The following MID1 variants were observed in gnomAD, a reference collection of about 807,000 sequenced individuals.
The protein encoded by MID1 is E3 ubiquitin-protein ligase Midline-1.
In MID1, 7 loss-of-function variants were observed where a neutral mutation model predicts 40.4. That is an observed-to-expected ratio of 0.17 (90% confidence interval 0.10 to 0.33). MID1 has a LOEUF of 0.33. Among genes scored for constraint, MID1 ranks in the 10% least tolerant of loss-of-function variants. The probability of loss-of-function intolerance (pLI) is 1.00; values close to 1 mark genes in which losing one functional copy is unlikely to be tolerated. For synonymous variants in MID1, 229 were observed against 221.2 expected, an observed-to-expected ratio of 1.04 and a Z score of -0.31; for missense variants, 367 against 558.5, an observed-to-expected ratio of 0.66 and a Z score of 3.46.
At chrX:10,758,127 C>CT (rs752295936) in intron 1 of MID1, among the ~76,000 whole-genome samples, 6,354 of 93,168 alleles carry the variant, frequency 0.068, 433 homozygotes, top group African/African-American at 0.2. Flanking sequence ...GCATGCCCTG[C>CT]TTTTTTTTTT....
chrX:10,454,411 C>T (rs190928856), intron 9 of MID1, among the ~76,000 whole-genome samples: 35 of 111,867 alleles, frequency 3.1e-4, no homozygotes, highest in African/African-American at 8.5e-4. Context: ...TTTTTGGCTT[C>T]GTAGACCATA....
At chrX:10,613,696 AATATATATATATATAT>A (rs1177605401) in intron 1 of MID1, among the ~76,000 whole-genome samples, 11 of 16,849 alleles carry the variant, frequency 6.5e-4, no homozygotes, top group African/African-American at 3.3e-3. Flanking sequence ...AACTGAAAGG[AATATATATATATATAT>A]ATATATATAT....
intron 3 of MID1, among the ~76,000 whole-genome samples, chrX:10,521,129 G>A (rs12857229): frequency 1.2e-5 from 1 of 82,900 alleles, no homozygotes; most frequent in Non-Finnish European, 2.3e-5. Context: ...GGAGGGGGGC[G>A]GGCGGTGGGG....
chrX:10,588,728 T>A lies in MID1; in HGVS notation c.-56-21125A>T, dbSNP rs776808380. Among the ~76,000 whole-genome samples, 8 of 110,851 alleles carry A rather than the reference T, an allele frequency of 7.2e-5. No homozygotes were observed. In the East Asian group the frequency reaches 2.0e-3, roughly 28 times the overall value. Reference sequence around the variant, plus strand: ...CCTTGCCTCTGCCAGCCGCTTATGCTGCTGTTCTCTTAACTACTGTGGGGG... The same window carrying A: ...CCTTGCCTCTGCCAGCCGCTTATGCAGCTGTTCTCTTAACTACTGTGGGGG... On this transcript the variant is annotated intron_variant, in intron 1 of 9. Coordinates refer to ENST00000317552, the MANE Select transcript of MID1 (RefSeq NM_000381.4).
intron 1 of MID1, among the ~76,000 whole-genome samples, chrX:10,777,888 C>T (rs1180588181): frequency 1.8e-5 from 2 of 111,350 alleles, no homozygotes; most frequent in Non-Finnish European, 3.8e-5. Flanking sequence ...GGGTTAGGAA[C>T]GTCAATATCA....
intron 1 of MID1, among the ~76,000 whole-genome samples, chrX:10,805,809 C>T (rs1209653103): frequency 4.0e-5 from 4 of 99,600 alleles, no homozygotes; most frequent in African/African-American, 7.3e-5. Context: ...ATTTGCATTT[C>T]TCTGATGGCC....
At chrX:10,672,481 G>A (rs2042994166) in intron 1 of MID1, among the ~76,000 whole-genome samples, 1 of 110,842 alleles carries the variant, frequency 9.0e-6, no homozygotes, top group Non-Finnish European at 1.9e-5. Flanking sequence ...ATAGTGGAAA[G>A]AGGGAGGCAG....
intron 1 of MID1, among the ~76,000 whole-genome samples, chrX:10,820,028 C>G (rs1007301976): frequency 8.9e-6 from 1 of 111,917 alleles, no homozygotes; most frequent in African/African-American, 3.2e-5. Flanking sequence ...TTTCATGGCT[C>G]TCATGTTCTT....
intron 9 of MID1, 62 bp downstream of exon 9, chrX:10,454,804 ACTCT>A (rs1421869950): frequency 2.1e-5 from 20 of 942,935 alleles, no homozygotes; most frequent in Non-Finnish European, 2.9e-5. Flanking sequence ...GTATGGGTTG[ACTCT>A]CTAAGTACAG....
chrX:10,662,465 G>A (rs2147584361), intron 1 of MID1, among the ~76,000 whole-genome samples: 2 of 110,494 alleles, frequency 1.8e-5, no homozygotes, highest in African/African-American at 6.6e-5. Flanking sequence ...ACAAACCAAA[G>A]TTACATCTAA....
intron 4 of MID1, among the ~76,000 whole-genome samples, chrX:10,493,476 C>T (rs1931064990): frequency 3.6e-5 from 4 of 111,992 alleles, no homozygotes; most frequent in Non-Finnish European, 7.5e-5. Flanking sequence ...TTGTCTCAAG[C>T]CACCAAGTTT....
intron 1 of MID1, among the ~76,000 whole-genome samples, chrX:10,644,130 T>C (rs112933357): frequency 0.07 from 7,753 of 111,345 alleles, 487 homozygotes; most frequent in African/African-American, 0.21. Flanking sequence ...GTTGTGCACA[T>C]GTACCCTAGA....
chrX:10,682,499 T>C (rs2043067315), intron 1 of MID1, among the ~76,000 whole-genome samples: 1 of 111,510 alleles, frequency 9.0e-6, no homozygotes, highest in South Asian at 3.7e-4. Context: ...AAAAATTTTA[T>C]TTTTCATTTG....
intron 1 of MID1, among the ~76,000 whole-genome samples, chrX:10,831,393 A>G (rs1037885957): frequency 5.4e-5 from 6 of 111,678 alleles, no homozygotes; most frequent in Non-Finnish European, 7.5e-5. Flanking sequence ...GTTTTTGTCC[A>G]GTATTTTCCA....
intron 1 of MID1, among the ~76,000 whole-genome samples, chrX:10,684,184 T>C (rs1334859709): frequency 9.0e-6 from 1 of 111,112 alleles, no homozygotes; most frequent in Non-Finnish European, 1.9e-5. Flanking sequence ...TATTAAAAGA[T>C]CTATCTAAGA....
chrX:10,459,739 C>T lies in MID1; in HGVS notation c.1354G>A (p.Gly452Ser), dbSNP rs1556004404. ...NIKQNHYTVH[G>S]LQSGTKYIFM... is the part of the protein sequence containing the mutation. Reference sequence around the variant, plus strand: ...ATGTACTTGGTGCCGCTCTGCAGACCGTGCACCGTGTAGTGGTTCTGCTTG... The same window carrying T: ...ATGTACTTGGTGCCGCTCTGCAGACTGTGCACCGTGTAGTGGTTCTGCTTG... The change falls in exon 8 of 10, where the codon GGT becomes AGT. Residue 452 changes from glycine to serine, a missense_variant. Transcript: ENST00000317552. 1 of 1,208,572 alleles carries T rather than the reference C, an allele frequency of 8.3e-7. No homozygotes were observed. Among genetic ancestry groups the T allele is most frequent in the African/African-American group, 1.7e-5 (1 of 57,188 alleles).
At chrX:10,646,047 C>T (rs1166392021) in intron 1 of MID1, among the ~76,000 whole-genome samples, 6 of 111,410 alleles carry the variant, frequency 5.4e-5, no homozygotes, top group Non-Finnish European at 1.1e-4. Context: ...CTGGGCTTTA[C>T]AGCTGTGTTT....
At chrX:10,827,842 G>A (rs750016895) in intron 1 of MID1, among the ~76,000 whole-genome samples, 1 of 110,866 alleles carries the variant, frequency 9.0e-6, no homozygotes, top group Non-Finnish European at 1.9e-5. Flanking sequence ...CAGATACAAC[G>A]ACTCAGTTGA....
chrX:10,482,277 A>G (rs1362740746), intron 5 of MID1, among the ~76,000 whole-genome samples: 1 of 111,786 alleles, frequency 8.9e-6, no homozygotes, highest in Non-Finnish European at 1.9e-5. Context: ...CTTGAACTCC[A>G]GACTCCAGGC....
Sources: gnomAD v4.1 joint callset for allele counts (sites outside exome capture counted in the v4.1 genomes callset) on GRCh38, gnomAD v4.1.1 for gene constraint, MANE v1.5 for transcripts, NCBI Gene and HGNC (gene_info 2026-07-23, HGNC 2026-07-21) for gene names.